CELF2: variants seen among roughly 807,000 people sequenced by gnomAD.
CELF2 encodes CUG triplet repeat RNA-binding protein 2.
Under a neutral mutation model 62.6 loss-of-function variants are expected in CELF2, and 8 were observed. The ratio of observed to expected loss-of-function variants is 0.13; its 90% CI spans 0.07 to 0.23. The LOEUF (loss-of-function observed/expected upper bound fraction) is 0.23, where lower values mean the gene tolerates loss of function less well. CELF2 is among the 10% of genes least tolerant of loss of function. CELF2 has a pLI of 1.00. For missense variants in CELF2, 333 were observed against 671.0 expected (o/e 0.50, Z 5.56); for synonymous variants, 258 against 250.0 (o/e 1.03, Z -0.30).
chr10:11,045,713 G>A (rs1046410611), intron 1 of CELF2, among the ~76,000 whole-genome samples: 7 of 152,152 alleles, frequency 4.6e-5, no homozygotes, highest in Non-Finnish European at 8.8e-5. Flanking sequence ...TATGACCTCC[G>A]CTTCTTTCCC....
chr10:10,818,830 G>A (rs1026780405), intron 1 of CELF2, among the ~76,000 whole-genome samples: 4 of 152,012 alleles, frequency 2.6e-5, no homozygotes, highest in African/African-American at 7.3e-5. Flanking sequence ...TGCCTGCCTC[G>A]GCCTCCCAAA....
At position 11,334,737 on chromosome 10, in the gene CELF2, G is replaced by A. The variant is rs568518467; in HGVS notation, c.*5684G>A. 2 of 152,200 alleles carry A rather than the reference G, an allele frequency of 1.3e-5. No individual in the cohort carries two copies. Among genetic ancestry groups the A allele is most frequent in the East Asian group, 3.9e-4 (2 of 5,182 alleles). The allele number at this position is 152,200 out of a possible 1,614,324, so 9.4% of individuals were successfully genotyped here. A position where few individuals can be genotyped will look rare whatever the true frequency, so the allele number is the denominator to read the frequency against. ...TTCTTAACATACATTCCAAACTGCT[G>A]CGGGGTTTCCTCTCCACACCCACGA... On this transcript the variant is annotated 3_prime_UTR_variant, in exon 13 of 13. Coordinates refer to ENST00000633077, the MANE Select transcript of CELF2 (RefSeq NM_001326342.2).
chr10:11,037,016 T>G (rs1342068595), intron 1 of CELF2, among the ~76,000 whole-genome samples: 1 of 152,166 alleles, frequency 6.6e-6, no homozygotes, highest in Non-Finnish European at 1.5e-5. Flanking sequence ...TTCTCATACT[T>G]CCCTTTTTAG....
chr10:11,274,679 G>A (rs2085288327), intron 7 of CELF2, among the ~76,000 whole-genome samples: 1 of 152,180 alleles, frequency 6.6e-6, no homozygotes, highest in African/African-American at 2.4e-5. Flanking sequence ...AAGCTGAACG[G>A]TGCTGGAAAG....
chr10:10,481,519 C>T, the CELF2 span, among the ~76,000 whole-genome samples: 29 of 152,274 alleles, frequency 1.9e-4, 2 homozygotes, highest in East Asian at 3.9e-3. Context: ...AGGTAATCAA[C>T]TTCCCCACAC....
the CELF2 span, among the ~76,000 whole-genome samples, chr10:10,661,499 T>C: frequency 2.6e-5 from 4 of 152,236 alleles, no homozygotes; most frequent in African/African-American, 4.8e-5. Context: ...TTTGAAGATA[T>C]ATGTCCAAGG....
intron 1 of CELF2, among the ~76,000 whole-genome samples, chr10:10,837,584 T>C (rs2058385663): frequency 6.6e-6 from 1 of 152,224 alleles, no homozygotes; most frequent in Non-Finnish European, 1.5e-5. Context: ...AAGGTTAGAC[T>C]ATAATGGACG....
chr10:11,303,163 T>C (rs1356351619), intron 9 of CELF2, among the ~76,000 whole-genome samples: 1 of 152,182 alleles, frequency 6.6e-6, no homozygotes, highest in Non-Finnish European at 1.5e-5. Context: ...CTGATCCTAA[T>C]TTTGATCTCT....
chr10:10,728,307 G>A, the CELF2 span, among the ~76,000 whole-genome samples: 8 of 151,308 alleles, frequency 5.3e-5, no homozygotes, highest in African/African-American at 1.2e-4. Context: ...ACAAAAATTA[G>A]CCAGGCGTGG....
At chr10:10,988,267 A>ATG (rs1241158416) in intron 2 of CELF2, among the ~76,000 whole-genome samples, 23 of 146,832 alleles carry the variant, frequency 1.6e-4, no homozygotes, top group South Asian at 2.1e-4. Context: ...ATACATATAT[A>ATG]TGTGTGTGTG....
the CELF2 span, among the ~76,000 whole-genome samples, chr10:10,790,662 G>A: frequency 6.6e-6 from 1 of 152,090 alleles, no homozygotes; most frequent in African/African-American, 2.4e-5. Context: ...AGGGGTGAAT[G>A]GTGAAAGGAT....
chr10:10,674,212 G>A, the CELF2 span, among the ~76,000 whole-genome samples: 1 of 152,074 alleles, frequency 6.6e-6, no homozygotes, highest in Non-Finnish European at 1.5e-5. Flanking sequence ...CTGATTTTAG[G>A]CACCTACACA....
intron 1 of CELF2, among the ~76,000 whole-genome samples, chr10:11,146,815 GT>G (rs1227577339): frequency 1.3e-5 from 2 of 152,222 alleles, no homozygotes; most frequent in Non-Finnish European, 2.9e-5. Context: ...CCCCAGGTGT[GT>G]TTATCCACAT....
At chr10:10,733,623 C>T in the CELF2 span, among the ~76,000 whole-genome samples, 1 of 151,970 alleles carries the variant, frequency 6.6e-6, no homozygotes, top group Non-Finnish European at 1.5e-5. Flanking sequence ...GGGGGGGCCT[C>T]ACAATCATGG....
the CELF2 span, among the ~76,000 whole-genome samples, chr10:10,652,957 G>A: frequency 2.0e-5 from 3 of 152,126 alleles, no homozygotes; most frequent in African/African-American, 7.2e-5. Context: ...TCAGTGTGCT[G>A]TACTCAGGAA....
At chr10:11,253,859 T>G (rs1443198660) in intron 4 of CELF2, among the ~76,000 whole-genome samples, 1 of 152,238 alleles carries the variant, frequency 6.6e-6, no homozygotes, top group Non-Finnish European at 1.5e-5. Flanking sequence ...AGCATTTCCC[T>G]GCCCTTATTC....
At chr10:10,992,420 A>G (rs572069545) in intron 2 of CELF2, among the ~76,000 whole-genome samples, 136 of 152,326 alleles carry the variant, frequency 8.9e-4, no homozygotes, top group African/African-American at 3.2e-3. Flanking sequence ...CGTGTTAATG[A>G]TGAAAGCAAG....
the CELF2 span, among the ~76,000 whole-genome samples, chr10:10,658,946 G>A: frequency 9.9e-5 from 15 of 152,036 alleles, no homozygotes. Flanking sequence ...GGTTTGAAGG[G>A]CATTTGTAAC....
At chr10:11,272,482 TC>T (rs2084193708) in intron 7 of CELF2, among the ~76,000 whole-genome samples, 1 of 151,622 alleles carries the variant, frequency 6.6e-6, no homozygotes, top group African/African-American at 2.4e-5. Flanking sequence ...GCTTCCCCCA[TC>T]CACCATTTCT....
Sources: allele counts gnomAD v4.1 joint callset (sites outside exome capture counted in the v4.1 genomes callset), GRCh38; gene constraint gnomAD v4.1.1; transcripts MANE v1.5; gene names NCBI Gene and HGNC (gene_info 2026-07-23, HGNC 2026-07-21).